ATG2B: variants seen among roughly 807,000 people sequenced by gnomAD.
ATG2B encodes the protein autophagy-related protein 2 homolog B.
ATG2B carries 121 observed loss-of-function variants against 241.3 expected under a neutral mutation model. The ratio of observed to expected loss-of-function variants is 0.50; its 90% confidence interval spans 0.43 to 0.58. The LOEUF (loss-of-function observed/expected upper bound fraction) is 0.58, where lower values mean the gene tolerates loss of function less well. Ranked by LOEUF, ATG2B falls within the 20% of genes least tolerant of loss-of-function variation. The pLI is 0.00. For missense variants in ATG2B, 2,306 were observed against 2,491.6 expected (o/e 0.93, Z 1.59); for synonymous variants, 858 against 876.6 (o/e 0.98, Z 0.37).
rs148898229 is a variant in ATG2B at position 96,325,337 on chromosome 14, A to G, written c.2437+312T>C. ...AATATTTAACATACAGTGGCACTTA[A>G]CAAGTTCTATTATCAGTCCTACAAT... On this transcript the variant is annotated intron_variant, in intron 15 of 41. Coordinates refer to ENST00000359933, the MANE Select transcript of ATG2B (RefSeq NM_018036.7). 4.2e-3 allele frequency among the ~76,000 whole-genome samples: 647 copies of G among 152,340 alleles called. 26 individuals carry two copies. In the South Asian group the frequency reaches 0.067, roughly 16 times the overall value.
chr14:96,308,545 C>T (rs1887067722), intron 29 of ATG2B, among the ~76,000 whole-genome samples: 1 of 149,504 alleles, frequency 6.7e-6, no homozygotes, highest in Non-Finnish European at 1.5e-5. Context: ...TCAAGTGATC[C>T]ACCTGCCTCA....
At chr14:96,355,403 G>A (rs990197068) in intron 1 of ATG2B, among the ~76,000 whole-genome samples, 2 of 152,160 alleles carry the variant, frequency 1.3e-5, no homozygotes, top group Non-Finnish European at 2.9e-5. Flanking sequence ...CGCATTGCTT[G>A]TTTGTGTCAG....
chr14:96,325,497 A>G lies in ATG2B; in HGVS notation c.2437+152T>C, dbSNP rs532445197. On this transcript the variant is annotated intron_variant, in intron 15 of 41. Coordinates refer to ENST00000359933, the MANE Select transcript of ATG2B (RefSeq NM_018036.7). Reference sequence around the variant, plus strand: ...TTACCTATATCACATATTTGCATACAATACTAGAAAGACATTGTTGCTGTT... The same window carrying G: ...TTACCTATATCACATATTTGCATACGATACTAGAAAGACATTGTTGCTGTT... 7.1e-6 allele frequency: 5 copies of G among 708,802 alleles called. No homozygotes were observed. In the South Asian group the frequency reaches 1.1e-4, roughly 15 times the overall value. The allele number at this position is 708,802 out of a possible 1,614,324, so 43.9% of individuals were successfully genotyped here.
intron 37 of ATG2B, 137 bp downstream of exon 37, chr14:96,291,892 A>G: frequency 1.5e-6 from 1 of 667,830 alleles, no homozygotes; most frequent in Non-Finnish European, 2.4e-6. Context: ...TTACATTAAA[A>G]ACAATTAAAT....
chr14:96,302,229 G>C, intron 33 of ATG2B, 121 bp from the exon 34 acceptor site: 3 of 624,918 alleles, frequency 4.8e-6, no homozygotes, highest in Admixed American at 6.1e-5. Context: ...AAGAGGAATT[G>C]TTTACCCTCT....
intron 5 of ATG2B, among the ~76,000 whole-genome samples, chr14:96,342,041 C>G (rs986859746): frequency 2.7e-4 from 41 of 152,274 alleles, no homozygotes; most frequent in African/African-American, 8.2e-4. Context: ...CAGTGACTGA[C>G]TTATAAAAGG....
In ATG2B at chr14:96,322,156, A is replaced by G; in HGVS notation, c.2835T>C (p.Tyr945=). The change falls in exon 18 of 42, where the codon TAT becomes TAC. Residue 945 remains tyrosine, a synonymous_variant. Coordinates refer to ENST00000359933, the MANE Select transcript of ATG2B (RefSeq NM_018036.7). ...YVLELTLPNI[Y]VTLPNKSFYE... is the part of the protein sequence containing the mutation. ...AAAAGCTCTTATTAGGTAGTGTTAC[A>G]TAAATATTTGGTAACGTAAGTTCCA... is the stretch of plus-strand genomic sequence containing the variant. The G allele has an allele frequency of 1.9e-6, 3 of 1,570,690 alleles. No individual in the cohort carries two copies. Among genetic ancestry groups the G allele is most frequent in the South Asian group, 1.2e-5 (1 of 83,122 alleles).
intron 27 of ATG2B, 48 bp downstream of exon 27, chr14:96,311,494 T>C: frequency 6.9e-7 from 1 of 1,449,366 alleles, no homozygotes; most frequent in Non-Finnish European, 9.5e-7. Flanking sequence ...ATTTTTTTAA[T>C]CTCTTAAAAA....
At chr14:96,349,985 G>A (rs1888271617) in intron 1 of ATG2B, among the ~76,000 whole-genome samples, 1 of 152,072 alleles carries the variant, frequency 6.6e-6, no homozygotes, top group South Asian at 2.1e-4. Context: ...TCAAAACCCT[G>A]ACTCTACAAG....
At chr14:96,336,103 C>A (rs1291613901) in intron 6 of ATG2B, among the ~76,000 whole-genome samples, 1 of 149,616 alleles carries the variant, frequency 6.7e-6, no homozygotes, top group Admixed American at 6.7e-5. Flanking sequence ...AAACTGAATA[C>A]ATGAAACACA....
intron 1 of ATG2B, among the ~76,000 whole-genome samples, chr14:96,356,170 CA>C (rs10712581): frequency 0.91 from 118,234 of 130,500 alleles, 53,590 homozygotes; most frequent in Non-Finnish European, 0.97. Context: ...GAATGCGGCT[CA>C]AAAAAAAAAA....
At chr14:96,300,566 G>C (rs1297375852) in intron 34 of ATG2B, among the ~76,000 whole-genome samples, 1 of 152,094 alleles carries the variant, frequency 6.6e-6, no homozygotes, top group Non-Finnish European at 1.5e-5. Context: ...GTTTCGTAAA[G>C]TCATGCCAGA....
Position 96,305,682 on chromosome 14 carries a change from C to T in ATG2B, c.4640G>A (p.Arg1547His), listed in dbSNP as rs923075284. 2 of 1,614,106 alleles carry T rather than the reference C, an allele frequency of 1.2e-6. No homozygotes were observed. The highest frequency in any genetic ancestry group is 2.2e-5 in the East Asian group (1 of 44,860). Reference protein sequence around the residue: ...APLHFPIPVIRYVVKEVSLVW... With the variant: ...APLHFPIPVIHYVVKEVSLVW... The stretch of plus-strand genomic sequence containing the variant: ...AAGAGAGACCTCCTTCACCACATAG[C>T]GAATCACAGGAATGGGAAAGTGTAA... Residue 1547 changes from arginine to histidine, a missense_variant, in exon 31 of 42, where the codon CGC (arginine) becomes CAC (histidine). This residue lies in a region of ATG2B where 1,927 missense variants were observed against 2,011.2 expected (regional missense o/e 0.96). Coordinates refer to ENST00000359933, the MANE Select transcript of ATG2B (RefSeq NM_018036.7).
At chr14:96,309,385 A>C in intron 29 of ATG2B, 68 bp downstream of exon 29, 1 of 1,516,664 alleles carries the variant, frequency 6.6e-7, no homozygotes, top group Non-Finnish European at 8.9e-7. Context: ...TATTAAATTT[A>C]CGAGAACACA....
chr14:96,304,260 T>G (rs1332362384), intron 32 of ATG2B, among the ~76,000 whole-genome samples: 1 of 152,234 alleles, frequency 6.6e-6, no homozygotes, highest in East Asian at 1.9e-4. Context: ...CTTGCTCAAC[T>G]GTGAGAACCA....
intron 1 of ATG2B, among the ~76,000 whole-genome samples, chr14:96,350,706 G>C (rs1195013585): frequency 6.6e-6 from 1 of 152,234 alleles, no homozygotes; most frequent in Non-Finnish European, 1.5e-5. Flanking sequence ...TGAATAGTGA[G>C]ACTTGATCGG....
chr14:96,351,180 A>C lies in ATG2B; in HGVS notation c.163-3839T>G, dbSNP rs141066337. 4.4e-3 allele frequency among the ~76,000 whole-genome samples: 673 copies of C among 152,378 alleles called. 26 individuals are homozygous for C. The South Asian group carries it at 0.067, about 15-fold the overall frequency. ...CAAGCTTGTATCTACATTTTAATTT[A>C]GAATAAAATGTGTGCCGAGCCCTGC... On this transcript the variant is annotated intron_variant, in intron 1 of 41. Transcript: ENST00000359933.
At chr14:96,353,132 G>A (rs1375110706) in intron 1 of ATG2B, among the ~76,000 whole-genome samples, 3 of 152,186 alleles carry the variant, frequency 2.0e-5, no homozygotes, top group East Asian at 3.9e-4. Context: ...TATAGCCTAG[G>A]AGCAATAGGC....
intron 41 of ATG2B, 48 bp from the exon 42 acceptor site, chr14:96,286,033 T>G: frequency 1.3e-6 from 2 of 1,498,336 alleles, no homozygotes; most frequent in Non-Finnish European, 1.8e-6. Flanking sequence ...GAACAAACTC[T>G]GGTCGGAAAA....
Sources: allele counts gnomAD v4.1 joint callset (sites outside exome capture counted in the v4.1 genomes callset), GRCh38; gene constraint gnomAD v4.1.1; regional missense constraint gnomAD v4.1.1; transcripts MANE v1.5; gene names NCBI Gene and HGNC (gene_info 2026-07-23, HGNC 2026-07-21).